Variants in FBXL3 observed in about 807,000 individuals in gnomAD.
The protein encoded by FBXL3 is F-box and leucine rich repeat protein 3.
FBXL3 carries 14 observed loss-of-function variants against 37.9 expected under a neutral mutation model. That is an observed-to-expected ratio of 0.37 (90% CI 0.24 to 0.58). The LOEUF (loss-of-function observed/expected upper bound fraction) is 0.58. Ranked by LOEUF, FBXL3 falls within the 20% of genes least tolerant of loss-of-function variation. FBXL3 has a pLI of 0.74. For synonymous variants in FBXL3, 194 were observed against 180.1 expected (o/e 1.08, Z -0.62); for missense variants, 327 against 511.1 (o/e 0.64, Z 3.47).
At chr13:77,007,894 C>T (rs1022954880) in intron 4 of FBXL3, 106 bp from the exon 5 acceptor site, 1 of 829,036 alleles carries the variant, frequency 1.2e-6, no homozygotes, top group Non-Finnish European at 1.8e-6. Context: ...TCCCTTACCA[C>T]AAAACTATAT....
chr13:77,025,687 CAAAAAAA>C (rs35934318), intron 1 of FBXL3, among the ~76,000 whole-genome samples: 47 of 73,968 alleles, frequency 6.4e-4, no homozygotes, highest in African/African-American at 2.1e-3. Context: ...GTCCTTGTCT[CAAAAAAA>C]AAAAAAAAAA....
chr13:77,026,491 A>T, intron 1 of FBXL3: 1 of 525,432 alleles, frequency 1.9e-6, no homozygotes, highest in Non-Finnish European at 2.4e-6. Flanking sequence ...GGTGCCTGTC[A>T]CCAGCCCCCG....
intron 3 of FBXL3, chr13:77,015,866 C>T (rs1351924781): frequency 5.2e-6 from 1 of 192,314 alleles, no homozygotes; most frequent in African/African-American, 2.3e-5. Context: ...AAGAGGAATT[C>T]TGGAACCCAG....
At chr13:77,026,073 T>C (rs937367868) in intron 1 of FBXL3, 27 of 621,644 alleles carry the variant, frequency 4.3e-5, no homozygotes, top group Non-Finnish European at 5.2e-5. Flanking sequence ...ACTAAGTTAC[T>C]TTTTTTTCAA....
In FBXL3 at chr13:77,007,327, A is replaced by G; in HGVS notation, c.1105T>C (p.Cys369Arg). The G allele has an allele frequency of 1.2e-6, 2 of 1,614,174 alleles. No homozygotes were observed. Among genetic ancestry groups the G allele is most frequent in the Non-Finnish European group, 1.7e-6 (2 of 1,180,034 alleles). The change falls in exon 5 of 5, where the codon TGT (cysteine) becomes CGT (arginine). Residue 369 changes from cysteine (C) to arginine (R), a missense_variant. By Grantham distance (180) the Cys-to-Arg change is radical. Transcript: ENST00000355619. ...KNLSAIGLGE[C>R]EVSCSAFVEF... ...ACAAAGGCACTACATGAGACTTCACATTCCCCTAGTCCAATAGCTGACAAA... is the reference window on the plus strand; with the variant it reads ...ACAAAGGCACTACATGAGACTTCACGTTCCCCTAGTCCAATAGCTGACAAA...
At chr13:77,011,722 C>CA (rs60267585) in intron 4 of FBXL3, among the ~76,000 whole-genome samples, 36,624 of 92,940 alleles carry the variant, frequency 0.39, 6,313 homozygotes, top group Non-Finnish European at 0.46. Flanking sequence ...GACCCTGTCT[C>CA]AAAAAAAAAA....
chr13:77,011,852 A>G (rs1472664025), intron 4 of FBXL3, among the ~76,000 whole-genome samples: 1 of 152,220 alleles, frequency 6.6e-6, no homozygotes, highest in East Asian at 1.9e-4. Flanking sequence ...AGACACTGCT[A>G]GTGGCTATGT....
Position 77,007,630 on chromosome 13 carries a change from G to A in FBXL3, c.802C>T (p.His268Tyr), listed in dbSNP as rs1355430950. 1.9e-6 allele frequency: 3 copies of A among 1,614,054 alleles called. No individual in the cohort carries two copies. Among genetic ancestry groups the A allele is most frequent in the Admixed American group, 1.7e-5 (1 of 60,002 alleles). ...CTACTCTTCTGAATAGTATGGAAGT[G>A]TGTCTGTCCAGGATTCTCACTGACT... ...DVVSENPGQTHFHTIQKSSWD... is the reference protein window; with the variant it reads ...DVVSENPGQTYFHTIQKSSWD... Residue 268 changes from histidine to tyrosine, a missense_variant, in exon 5 of 5, where the codon CAC (histidine) becomes TAC (tyrosine). Coordinates refer to ENST00000355619, the MANE Select transcript of FBXL3 (RefSeq NM_012158.4).
At position 77,007,214 on chromosome 13, in the gene FBXL3, C is replaced by A; in HGVS notation, c.1218G>T (p.Glu406Asp). 1 of 1,614,006 alleles carries A rather than the reference C, an allele frequency of 6.2e-7. No homozygotes were observed. Among genetic ancestry groups the A allele is most frequent in the South Asian group, 1.1e-5 (1 of 91,084 alleles). ...VLIPDQKYSLEQIHWEVSKHL... is the reference protein window; with the variant it reads ...VLIPDQKYSLDQIHWEVSKHL... ...GCTTGGACACTTCCCAGTGAATCTG[C>A]TCCAAACTATACTTTTGGTCAGGAA... Residue 406 changes from glutamate (E) to aspartate (D), a missense_variant, in exon 5 of 5, where the codon GAG (glutamate) becomes GAT (aspartate). Physicochemically the swap from Glu to Asp is conservative, Grantham distance 45. Transcript: ENST00000355619.
At chr13:77,012,135 GGTTTCTTTTTAGAATA>G (rs2034566501) in intron 4 of FBXL3, among the ~76,000 whole-genome samples, 1 of 152,078 alleles carries the variant, frequency 6.6e-6, no homozygotes, top group Admixed American at 6.6e-5. Context: ...AGAGGTATGT[GGTTTCTTTTTAGAATA>G]ATAAAAGCAT....
intron 1 of FBXL3, among the ~76,000 whole-genome samples, chr13:77,023,146 C>CTCAT (rs138082671): frequency 1.4e-5 from 2 of 141,340 alleles, no homozygotes; most frequent in African/African-American, 4.9e-5. Flanking sequence ...ATTCCGTTCA[C>CTCAT]TCATTCATTC....
At chr13:77,018,007 T>A (rs1489638870) in intron 3 of FBXL3, 3 of 152,088 alleles carry the variant, frequency 2.0e-5, no homozygotes, top group Non-Finnish European at 4.4e-5. Flanking sequence ...TGCACCCTTC[T>A]TATTTTTGTA....
At chr13:77,024,372 TAC>T (rs1390755240) in intron 1 of FBXL3, among the ~76,000 whole-genome samples, 5 of 152,184 alleles carry the variant, frequency 3.3e-5, no homozygotes, top group Non-Finnish European at 7.4e-5. Context: ...AATTTTGAGA[TAC>T]AGAGATTCAA....
At chr13:77,016,498 A>T (rs1431755315) in intron 3 of FBXL3, 1 of 152,154 alleles carries the variant, frequency 6.6e-6, no homozygotes, top group Non-Finnish European at 1.5e-5. Context: ...GTGAAAAAGG[A>T]TAAGGGCAGG....
intron 4 of FBXL3, chr13:77,010,440 T>C (rs1472905317): frequency 6.6e-6 from 1 of 152,164 alleles, no homozygotes; most frequent in African/African-American, 2.4e-5. Context: ...CCCATGATTA[T>C]GATATATGGT....
At chr13:77,017,276 AAAAAG>A (rs760419692) in intron 3 of FBXL3, 10 of 152,240 alleles carry the variant, frequency 6.6e-5, no homozygotes, top group Non-Finnish European at 1.2e-4. Context: ...TGATAAGAAA[AAAAAG>A]AAAATTAAAT....
At chr13:77,026,078 T>A in intron 1 of FBXL3, 1 of 680,994 alleles carries the variant, frequency 1.5e-6, no homozygotes, top group Non-Finnish European at 1.8e-6. Context: ...GTTACTTTTT[T>A]TTCAAGTTAG....
intron 1 of FBXL3, 108 bp from the exon 2 acceptor site, chr13:77,021,969 C>G: frequency 1.2e-6 from 1 of 868,984 alleles, no homozygotes; most frequent in South Asian, 1.8e-5. Flanking sequence ...CACAAACATG[C>G]AGGAAAAACT....
chr13:77,018,725 T>C lies in FBXL3; in HGVS notation c.349-3A>G, dbSNP rs760339456. The C allele has an allele frequency of 6.5e-7, 1 of 1,549,948 alleles. No individual in the cohort carries two copies. Among genetic ancestry groups the C allele is most frequent in the East Asian group, 2.3e-5 (1 of 43,430 alleles). On this transcript the variant is annotated splice_region_variant and splice_polypyrimidine_tract_variant and intron_variant, in intron 2 of 4. Coordinates refer to ENST00000355619, the MANE Select transcript of FBXL3 (RefSeq NM_012158.4). Reference sequence around the variant, plus strand: ...GCTGATTCCTTGCTGCTGTCCACCTTAGAAAAGAAACACCGTTTACTCATG... The same window carrying C: ...GCTGATTCCTTGCTGCTGTCCACCTCAGAAAAGAAACACCGTTTACTCATG...
Sources: allele counts gnomAD v4.1 joint callset (sites outside exome capture counted in the v4.1 genomes callset), GRCh38; gene constraint gnomAD v4.1.1; transcripts MANE v1.5; gene names NCBI Gene and HGNC (gene_info 2026-07-23, HGNC 2026-07-21).